TNRC6A: variants seen among roughly 807,000 people sequenced by gnomAD.
The protein encoded by TNRC6A is trinucleotide repeat containing adaptor 6A, also known as trinucleotide repeat-containing gene 6A protein.
TNRC6A carries 44 observed loss-of-function variants against 221.2 expected under a neutral mutation model. That is an observed-to-expected ratio of 0.20 (90% CI 0.16 to 0.26). TNRC6A has a LOEUF of 0.26. Among genes scored for constraint, TNRC6A ranks in the 10% least tolerant of loss-of-function variants. TNRC6A has a pLI of 1.00. For synonymous variants in TNRC6A, 847 were observed against 838.5 expected (o/e 1.01, Z -0.18); for missense variants, 2,199 against 2,404.4 (o/e 0.91, Z 1.79).
At chr16:24,709,332 A>T (rs778113116) in intron 2 of TNRC6A, among the ~76,000 whole-genome samples, 1 of 151,888 alleles carries the variant, frequency 6.6e-6, no homozygotes, top group Non-Finnish European at 1.5e-5. Flanking sequence ...CCCAGTATTG[A>T]GATTGCTGGA....
intron 2 of TNRC6A, among the ~76,000 whole-genome samples, chr16:24,672,288 AT>A (rs757393346): frequency 1.3e-5 from 2 of 151,100 alleles, no homozygotes; most frequent in South Asian, 4.2e-4. Flanking sequence ...CGCCTGGCTA[AT>A]TTTTTTTTCT....
chr16:24,724,902 T>C (rs2056467672), upstream of TNRC6A, among the ~76,000 whole-genome samples: 1 of 152,148 alleles, frequency 6.6e-6, no homozygotes, highest in Non-Finnish European at 1.5e-5. Flanking sequence ...TGGTAAAGCC[T>C]TGGGAGGAAA....
At chr16:24,623,201 T>A (rs1396068309) in intron 1 of TNRC6A, among the ~76,000 whole-genome samples, 1 of 138,792 alleles carries the variant, frequency 7.2e-6, no homozygotes. Flanking sequence ...TTACTTATTT[T>A]ATTTATTTTT....
At position 24,789,695 on chromosome 16, in the gene TNRC6A, A is replaced by T. The variant is rs771578049; in HGVS notation, c.1053A>T (p.Ser351=). 3 of 1,614,250 alleles carry T rather than the reference A, an allele frequency of 1.9e-6. No individual in the cohort carries two copies. In the Admixed American group the frequency reaches 5.0e-5, roughly 27 times the overall value. The part of the protein sequence containing the change: ...RMNAWGTVSS[S]SNGGLNPSTL... Reference sequence around the variant, plus strand: ...ATGCTTGGGGCACTGTAAGTTCTTCATCAAATGGAGGGTTAAATCCAAGCA... The same window carrying T: ...ATGCTTGGGGCACTGTAAGTTCTTCTTCAAATGGAGGGTTAAATCCAAGCA... Residue 351 remains serine, a synonymous_variant, in exon 6 of 25, where the codon TCA becomes TCT. Coordinates refer to ENST00000395799, the MANE Select transcript of TNRC6A (RefSeq NM_014494.4).
intron 2 of TNRC6A, among the ~76,000 whole-genome samples, chr16:24,738,703 G>A (rs1035545576): frequency 6.6e-6 from 1 of 152,034 alleles, no homozygotes; most frequent in Non-Finnish European, 1.5e-5. Flanking sequence ...TGGGCATTTG[G>A]GCTGTTCTAA....
rs550689245 is a variant in TNRC6A at position 24,640,661 on chromosome 16, G to A, written n.277-223G>A. ...GGAGGATCGCCTGAGCCCGGGAGGC[G>A]GAAGTTGCAGTGAACCAAGATCAAG... On this transcript the variant is annotated intron_variant and non_coding_transcript_variant, in intron 1 of 2. Transcript: ENST00000566108. 5.9e-5 allele frequency among the ~76,000 whole-genome samples: 9 copies of A among 151,372 alleles called. No homozygotes were observed. In the South Asian group the frequency reaches 1.7e-3, roughly 28 times the overall value.
In TNRC6A at chr16:24,634,265, A is replaced by G. The variant is rs530757060; in HGVS notation, n.277-6619A>G. The stretch of plus-strand genomic sequence containing the variant: ...TACATGGCAAAACCCCATCTCTACA[A>G]AAAAATACAAAACAGATAGCCAGGC... On this transcript the variant is annotated intron_variant and non_coding_transcript_variant, in intron 1 of 2. Transcript: ENST00000566108. 2.0e-5 allele frequency among the ~76,000 whole-genome samples: 3 copies of G among 152,086 alleles called. No individual in the cohort carries two copies. The East Asian group carries it at 5.8e-4, about 29-fold the overall frequency.
intron 1 of TNRC6A, among the ~76,000 whole-genome samples, chr16:24,614,628 C>A (rs899195757): frequency 6.6e-6 from 1 of 152,128 alleles, no homozygotes; most frequent in African/African-American, 2.4e-5. Flanking sequence ...GACTTGGAGT[C>A]TTTTGAGATT....
At chr16:24,744,896 C>CA (rs932987294) in intron 2 of TNRC6A, among the ~76,000 whole-genome samples, 18 of 152,304 alleles carry the variant, frequency 1.2e-4, no homozygotes, top group African/African-American at 4.1e-4. Context: ...CCTCCCAACA[C>CA]AAAAAGATAG....
At chr16:24,658,320 C>T (rs1461223329) in intron 2 of TNRC6A, among the ~76,000 whole-genome samples, 1 of 152,074 alleles carries the variant, frequency 6.6e-6, no homozygotes, top group Non-Finnish European at 1.5e-5. Context: ...ATTTCATTTC[C>T]TCTTTGTTAT....
chr16:24,722,382 C>G (rs2056424331), intron 2 of TNRC6A, among the ~76,000 whole-genome samples: 1 of 152,032 alleles, frequency 6.6e-6, no homozygotes. Context: ...CCACTACACC[C>G]TAGCCTGGGT....
At chr16:24,649,000 G>C (rs1226810107) in intron 2 of TNRC6A, among the ~76,000 whole-genome samples, 1 of 151,908 alleles carries the variant, frequency 6.6e-6, no homozygotes, top group Non-Finnish European at 1.5e-5. Context: ...TGACAAGCAG[G>C]CCGGGTGCGG....
At chr16:24,799,740 G>T (rs1033855450) in intron 11 of TNRC6A, among the ~76,000 whole-genome samples, 1 of 152,184 alleles carries the variant, frequency 6.6e-6, no homozygotes, top group Non-Finnish European at 1.5e-5. Flanking sequence ...TCCCTTCACT[G>T]CCTATTCTGT....
At chr16:24,664,136 A>C (rs2055094727) in intron 2 of TNRC6A, 2 of 312,130 alleles carry the variant, frequency 6.4e-6, no homozygotes, top group African/African-American at 4.4e-5. Flanking sequence ...GTTTGAGACC[A>C]GCCTGGCCAA....
At chr16:24,806,873 T>C (rs1940754231) in intron 17 of TNRC6A, 89 bp downstream of exon 17, 1 of 1,244,050 alleles carries the variant, frequency 8.0e-7, no homozygotes, top group African/African-American at 1.5e-5. Flanking sequence ...CTCTGTTCCT[T>C]CATGAAAGCT....
chr16:24,823,578 G>C lies in TNRC6A; in HGVS notation c.5660G>C (p.Cys1887Ser). 6.2e-7 allele frequency: 1 copy of C among 1,614,144 alleles called. No individual in the cohort carries two copies. The highest frequency in any genetic ancestry group is 8.5e-7 in the Non-Finnish European group (1 of 1,180,020). Residue 1887 changes from cysteine to serine, a missense_variant, in exon 25 of 25, where the codon TGT becomes TCT. Around this residue, in one of 8 missense-constraint regions of TNRC6A, gnomAD observed 130 missense variants for 121.7 expected, o/e 1.07. Transcript: ENST00000395799. The surrounding 1 kb of genome is among the most constrained non-coding windows in gnomAD (Gnocchi z 4.3). ...CAGAGCCGGCTGGGCTCCCTCGACT[G>C]TTCCCACTCATTCTCCAGCCGGACC... ...SSQSRLGSLD[C>S]SHSFSSRTDL...
intron 2 of TNRC6A, among the ~76,000 whole-genome samples, chr16:24,669,524 C>G (rs1342840034): frequency 6.6e-6 from 1 of 151,758 alleles, no homozygotes; most frequent in East Asian, 1.9e-4. Context: ...ATAGGATTCC[C>G]TGGTTGTTTG....
chr16:24,676,909 C>A (rs57380517), intron 2 of TNRC6A, among the ~76,000 whole-genome samples: 1 of 152,052 alleles, frequency 6.6e-6, no homozygotes, highest in Admixed American at 6.6e-5. Context: ...TTTCCCCATG[C>A]GTTAGAAATT....
chr16:24,670,948 A>G, intron 2 of TNRC6A: 1 of 392,084 alleles, frequency 2.6e-6, no homozygotes, highest in Non-Finnish European at 5.3e-6. Flanking sequence ...AGGGGGTACC[A>G]GCACCCCCAG....
Sources: gnomAD v4.1 joint callset for allele counts (sites outside exome capture counted in the v4.1 genomes callset) on GRCh38, gnomAD v4.1.1 for gene constraint, gnomAD v4.1.1 regional missense constraint, Gnocchi (gnomAD v3.1) non-coding constraint, MANE v1.5 for transcripts, NCBI Gene and HGNC (gene_info 2026-07-23, HGNC 2026-07-21) for gene names.